The following CAMTA1 variants were observed in gnomAD, a reference collection of about 807,000 sequenced individuals.
CAMTA1 encodes the protein calmodulin binding transcription activator 1, also known as calmodulin-binding transcription activator 1.
A neutral mutation model predicts 170.9 loss-of-function variants in CAMTA1; 27 were observed. That is an observed-to-expected ratio of 0.16 (90% CI 0.12 to 0.22). The LOEUF is 0.22. Ranked by LOEUF, CAMTA1 falls within the 10% of genes least tolerant of loss-of-function variation. The pLI, the probability that CAMTA1 is intolerant of heterozygous loss-of-function variation, is 1.00. For synonymous variants in CAMTA1, 833 were observed against 891.5 expected (o/e 0.93, Z 1.17); for missense variants, 1,619 against 2,217.2 (o/e 0.73, Z 5.42).
chr1:7,572,025 G>A (rs759675438), intron 6 of CAMTA1, among the ~76,000 whole-genome samples: 3 of 152,054 alleles, frequency 2.0e-5, no homozygotes, highest in Non-Finnish European at 4.4e-5. Context: ...TTTAATAATA[G>A]GCATTCTGAT....
intron 11 of CAMTA1, among the ~76,000 whole-genome samples, chr1:7,706,005 G>GTT (rs1415761687): frequency 6.6e-6 from 1 of 152,100 alleles, no homozygotes; most frequent in African/African-American, 2.4e-5. Flanking sequence ...GCGTTCTGGT[G>GTT]TTTGAGACTT....
intron 1 of CAMTA1, among the ~76,000 whole-genome samples, chr1:6,789,096 C>T (rs999303125): frequency 3.9e-5 from 6 of 152,032 alleles, no homozygotes; most frequent in Non-Finnish European, 8.8e-5. Flanking sequence ...CCTGCTTCTG[C>T]AAATGTTGGG....
At position 7,148,862 on chromosome 1, in the gene CAMTA1, C is replaced by A. The variant is rs542230748; in HGVS notation, c.302+57491C>A. Reference sequence around the variant, plus strand: ...CACCATTGGGCTGTCTGTTCACTTGCTTCTCCCAGCTCAGTTGTGGTCTCT... The same window carrying A: ...CACCATTGGGCTGTCTGTTCACTTGATTCTCCCAGCTCAGTTGTGGTCTCT... On this transcript the variant is annotated intron_variant, in intron 4 of 22. Transcript: ENST00000303635. 3.9e-5 allele frequency among the ~76,000 whole-genome samples: 6 copies of A among 152,374 alleles called. 1 individual carries two copies. In the South Asian group the frequency reaches 1.2e-3, roughly 32 times the overall value.
chr1:7,662,004 C>A, intron 8 of CAMTA1, 138 bp downstream of exon 8: 1 of 1,026,454 alleles, frequency 9.7e-7, no homozygotes, highest in Non-Finnish European at 1.4e-6. Flanking sequence ...CTGGGCGACA[C>A]CACCGCACCC....
At chr1:7,360,816 GC>G (rs2085482585) in intron 5 of CAMTA1, among the ~76,000 whole-genome samples, 1 of 152,242 alleles carries the variant, frequency 6.6e-6, no homozygotes, top group African/African-American at 2.4e-5. Context: ...TGCCACGCCT[GC>G]CACTTTCTCC....
chr1:7,326,693 G>C (rs2082703538), intron 5 of CAMTA1, among the ~76,000 whole-genome samples: 1 of 152,196 alleles, frequency 6.6e-6, no homozygotes, highest in Non-Finnish European at 1.5e-5. Context: ...AGCCTTCAGA[G>C]AGAACATGGC....
chr1:7,066,530 A>G (rs1422453950), intron 3 of CAMTA1, among the ~76,000 whole-genome samples: 2 of 152,276 alleles, frequency 1.3e-5, no homozygotes, highest in Non-Finnish European at 2.9e-5. Flanking sequence ...GAGCATCAGT[A>G]ACCTCTGAAA....
intron 5 of CAMTA1, among the ~76,000 whole-genome samples, chr1:7,323,613 C>G (rs972123785): frequency 6.6e-6 from 1 of 150,966 alleles, no homozygotes; most frequent in Non-Finnish European, 1.5e-5. Flanking sequence ...GCCTCCACTT[C>G]CCAGGTTCAA....
chr1:7,611,630 T>A (rs905884175), intron 6 of CAMTA1, among the ~76,000 whole-genome samples: 10 of 151,986 alleles, frequency 6.6e-5, no homozygotes, highest in Non-Finnish European at 1.3e-4. Flanking sequence ...CCAACAAGAG[T>A]CTGACAAGAG....
At chr1:7,596,475 GC>G (rs2095401096) in intron 6 of CAMTA1, among the ~76,000 whole-genome samples, 1 of 152,168 alleles carries the variant, frequency 6.6e-6, no homozygotes, top group African/African-American at 2.4e-5. Flanking sequence ...GGCCGCAGGT[GC>G]CCACTTCCCT....
intron 3 of CAMTA1, among the ~76,000 whole-genome samples, chr1:6,961,412 G>T (rs1690384524): frequency 6.6e-6 from 1 of 152,174 alleles, no homozygotes; most frequent in South Asian, 2.1e-4. Flanking sequence ...TCGTGACCGT[G>T]TAGGGAATTG....
intron 4 of CAMTA1, among the ~76,000 whole-genome samples, chr1:7,227,653 A>G (rs1167908383): frequency 6.6e-6 from 1 of 152,186 alleles, no homozygotes; most frequent in South Asian, 2.1e-4. Flanking sequence ...GTAAACGTCA[A>G]GTTTCTCCTG....
Position 7,456,969 on chromosome 1 carries a change from C to G in CAMTA1, c.439-10861C>G, listed in dbSNP as rs1028647526. On this transcript the variant is annotated intron_variant, in intron 5 of 22. Coordinates refer to ENST00000303635, the MANE Select transcript of CAMTA1 (RefSeq NM_015215.4). The surrounding 1 kb of genome is among the most constrained non-coding windows in gnomAD (Gnocchi z 4.9). ...ATGTGGAGAGTGGAGCGAGGCCCAG[C>G]AGAGTTCGGCGCCGCCCTCCCGTTC... is the stretch of plus-strand genomic sequence containing the variant. 1.3e-5 allele frequency among the ~76,000 whole-genome samples: 2 copies of G among 151,854 alleles called. No homozygotes were observed. The highest frequency in any genetic ancestry group is 4.8e-5 in the African/African-American group (2 of 41,286).
At chr1:7,070,232 C>G (rs549168878) in intron 3 of CAMTA1, among the ~76,000 whole-genome samples, 1 of 152,300 alleles carries the variant, frequency 6.6e-6, no homozygotes, top group South Asian at 2.1e-4. Context: ...CATAGGCGCC[C>G]CGACATCGCA....
chr1:7,610,133 A>C (rs2095513971), intron 6 of CAMTA1, among the ~76,000 whole-genome samples: 1 of 152,216 alleles, frequency 6.6e-6, no homozygotes, highest in Admixed American at 6.5e-5. Flanking sequence ...GCAAAAACAC[A>C]CACACACACG....
At chr1:7,488,686 T>C (rs764064920) in intron 6 of CAMTA1, among the ~76,000 whole-genome samples, 24 of 152,042 alleles carry the variant, frequency 1.6e-4, no homozygotes, top group Admixed American at 5.9e-4. Flanking sequence ...TACACACACA[T>C]ATACACATAA....
At chr1:7,296,836 G>T (rs916556346) in intron 5 of CAMTA1, among the ~76,000 whole-genome samples, 3 of 152,030 alleles carry the variant, frequency 2.0e-5, no homozygotes, top group African/African-American at 7.3e-5. Context: ...GTATAAAGGA[G>T]AGAAAATGAC....
intron 1 of CAMTA1, among the ~76,000 whole-genome samples, chr1:6,798,296 G>A (rs1385384925): frequency 6.6e-6 from 1 of 152,110 alleles, no homozygotes; most frequent in Non-Finnish European, 1.5e-5. Flanking sequence ...CCTAAAAAAG[G>A]AATATTTAAT....
chr1:7,700,220 G>A (rs1437108662), intron 11 of CAMTA1, among the ~76,000 whole-genome samples: 1 of 152,080 alleles, frequency 6.6e-6, no homozygotes, highest in Non-Finnish European at 1.5e-5. Flanking sequence ...TGAGGCAGGG[G>A]TTCAACTTCA....
Sources: allele counts gnomAD v4.1 joint callset (sites outside exome capture counted in the v4.1 genomes callset), GRCh38; gene constraint gnomAD v4.1.1; non-coding constraint Gnocchi (gnomAD v3.1); transcripts MANE v1.5; gene names NCBI Gene and HGNC (gene_info 2026-07-23, HGNC 2026-07-21).